The following PDGFRB variants were observed in gnomAD, a reference collection of about 807,000 sequenced individuals.
The protein encoded by PDGFRB is platelet derived growth factor receptor beta.
In PDGFRB, 42 loss-of-function variants were observed where a neutral mutation model predicts 120.2. The ratio of observed to expected loss-of-function variants is 0.35; its 90% CI spans 0.27 to 0.45. PDGFRB has a LOEUF of 0.45. Ranked by LOEUF, PDGFRB falls within the 20% of genes least tolerant of loss-of-function variation. The pLI, the probability that PDGFRB is intolerant of heterozygous loss-of-function variation, is 1.00. For missense variants in PDGFRB, 1,149 were observed against 1,476.3 expected, an observed-to-expected ratio of 0.78 and a Z score of 3.63; for synonymous variants, 586 against 606.8, an observed-to-expected ratio of 0.97 and a Z score of 0.50.
chr5:150,155,297 C>CTTTTTTTTTTTTTTTTTTTTT (rs35505256), intron 1 of PDGFRB, 100 bp downstream of exon 1: 1 of 119,542 alleles, frequency 8.4e-6, no homozygotes. Flanking sequence ...AATATCTTCC[C>CTTTTTTTTTTTTTTTTTTTTT]TTTTTTTTTT....
chr5:150,121,638 G>C lies in PDGFRB; in HGVS notation c.2344+242C>G, dbSNP rs1039839905. ...CTTTCCCTACCACGACAAAAGGCCA[G>C]GTCCTCCCATATCCCTGCTCTCTCC... On this transcript the variant is annotated intron_variant, in intron 16 of 22. Transcript: ENST00000261799. The surrounding 1 kb of genome is among the most constrained non-coding windows in gnomAD (Gnocchi z 4.1). 6.6e-6 allele frequency among the ~76,000 whole-genome samples: 1 copy of C among 152,234 alleles called. No individual in the cohort carries two copies. Among genetic ancestry groups the C allele is most frequent in the Non-Finnish European group, 1.5e-5 (1 of 68,046 alleles).
chr5:150,139,106 G>T (rs1364395156), intron 1 of PDGFRB, among the ~76,000 whole-genome samples: 8 of 152,204 alleles, frequency 5.3e-5, no homozygotes, highest in Non-Finnish European at 1.2e-4. Context: ...GCCTGGGGCT[G>T]GGGGTGGCTT....
chr5:150,146,990 C>T (rs1351448615), intron 1 of PDGFRB, among the ~76,000 whole-genome samples: 5 of 152,172 alleles, frequency 3.3e-5, no homozygotes, highest in East Asian at 1.9e-4. Context: ...TCCACAATTT[C>T]GCTGCAGAGG....
Position 150,126,568 on chromosome 5 carries a change from C to A in PDGFRB, c.1626G>T (p.Val542=), listed in dbSNP as rs754120808. 8.1e-6 allele frequency: 13 copies of A among 1,611,408 alleles called. No individual in the cohort carries two copies. The highest frequency in any genetic ancestry group is 1.1e-5 in the Non-Finnish European group (13 of 1,177,756). ...TGATAAGGGAGATGATGGTGAGCAC[C>A]ACCAGGGCCAGGATGGCTGAGATCA... ...VVVISAILAL[V]VLTIISLIIL... The change falls in exon 11 of 23, where the codon GTG becomes GTT. Residue 542 remains valine, a synonymous_variant. Transcript: ENST00000261799.
At chr5:150,117,472 C>T in intron 22 of PDGFRB, 146 bp downstream of exon 22, 1 of 574,080 alleles carries the variant, frequency 1.7e-6, no homozygotes. Flanking sequence ...GTCTTCTATT[C>T]ATTGGTAGGG....
At chr5:150,130,887 G>A (rs1015833396) in intron 8 of PDGFRB, among the ~76,000 whole-genome samples, 5 of 152,160 alleles carry the variant, frequency 3.3e-5, no homozygotes, top group Non-Finnish European at 5.9e-5. Flanking sequence ...ACACCTCTCT[G>A]AGACTTGCTA....
chr5:150,132,926 C>T lies in PDGFRB; in HGVS notation c.951G>A (p.Arg317=), dbSNP rs2113907236. Reference sequence around the variant, plus strand: ...GTAGTGTGCCCACCTCTCCCAGGAGCCGCACGTAGCCGCTCTCTGCAAGGG... The same window carrying T: ...GTAGTGTGCCCACCTCTCCCAGGAGTCGCACGTAGCCGCTCTCTGCAAGGG... ...NITVVESGYV[R]LLGEVGTLQF... Residue 317 remains arginine, a synonymous_variant, in exon 7 of 23, where the codon CGG becomes CGA. Transcript: ENST00000261799. This position sits in a 1 kb window ranked among gnomAD's most constrained non-coding sequence, Gnocchi z 5.0. 6.4e-7 allele frequency: 1 copy of T among 1,561,216 alleles called. No individual in the cohort carries two copies. Among genetic ancestry groups the T allele is most frequent in the Non-Finnish European group, 8.7e-7 (1 of 1,153,696 alleles).
chr5:150,124,718 A>G lies in PDGFRB; in HGVS notation c.1912+9T>C. The G allele has an allele frequency of 2.2e-6, 3 of 1,346,512 alleles. No homozygotes were observed. Among genetic ancestry groups the G allele is most frequent in the Non-Finnish European group, 2.1e-6 (2 of 942,070 alleles). 83.4% of individuals were successfully genotyped at this position (1,346,512 alleles called of 1,614,324 possible). On this transcript the variant is annotated intron_variant, in intron 13 of 22. Transcript: ENST00000261799. Reference sequence around the variant, plus strand: ...GGCCCAGATGTGGAGGGCTCCAAGGACTACTCACATTTAAGCATCTTGACG... The same window carrying G: ...GGCCCAGATGTGGAGGGCTCCAAGGGCTACTCACATTTAAGCATCTTGACG...
chr5:150,114,759 T>A lies in PDGFRB; in HGVS notation c.*1004A>T. The A allele has an allele frequency of 4.3e-6, 1 of 233,616 alleles. No homozygotes were observed. Among genetic ancestry groups the A allele is most frequent in the Non-Finnish European group, 8.5e-6 (1 of 117,992 alleles). 14.5% of individuals were successfully genotyped at this position (233,616 alleles called of 1,614,324 possible). A position where few individuals can be genotyped will look rare whatever the true frequency, so the allele number is the denominator to read the frequency against. On this transcript the variant is annotated 3_prime_UTR_variant, in exon 23 of 23. Coordinates refer to ENST00000261799, the MANE Select transcript of PDGFRB (RefSeq NM_002609.4). ...ACAAATGTGCAACCACCTGGAATAC[T>A]CTAGAATGTTAGTGCTGGCAAGGCA...
chr5:150,122,240 C>T lies in PDGFRB; in HGVS notation c.2184-200G>A, dbSNP rs17656204. The T allele has an allele frequency of 0.26, 149,767 of 567,240 alleles. 21,842 individuals carry two copies. The highest frequency in any genetic ancestry group is 0.35 in the Middle Eastern group (738 of 2,134). 35.1% of individuals were successfully genotyped at this position (567,240 alleles called of 1,614,324 possible). A position where few individuals can be genotyped will look rare whatever the true frequency, so the allele number is the denominator to read the frequency against. On this transcript the variant is annotated intron_variant, in intron 15 of 22. Coordinates refer to ENST00000261799, the MANE Select transcript of PDGFRB (RefSeq NM_002609.4). ...CTGGGCACTGAGGCTACCAAAATGACAGTTAGAACCCAGAGAGCTCACACC... is the reference window on the plus strand; with the variant it reads ...CTGGGCACTGAGGCTACCAAAATGATAGTTAGAACCCAGAGAGCTCACACC...
intron 1 of PDGFRB, among the ~76,000 whole-genome samples, chr5:150,154,994 G>A (rs906884721): frequency 1.3e-5 from 2 of 152,174 alleles, no homozygotes; most frequent in Non-Finnish European, 2.9e-5. Context: ...AAGGAACAGC[G>A]GCTATGGTCC....
intron 1 of PDGFRB, 163 bp from the exon 2 acceptor site, chr5:150,137,216 C>T: frequency 1.7e-6 from 1 of 591,630 alleles, no homozygotes. Flanking sequence ...TGAAAGGGCA[C>T]TCATGACCAC....
rs1760499027 is a variant in PDGFRB, at chr5:150,132,672, T to C, written c.1127+78A>G. On this transcript the variant is annotated intron_variant, in intron 7 of 22. Transcript: ENST00000261799. This position sits in a 1 kb window ranked among gnomAD's most constrained non-coding sequence, Gnocchi z 5.0. ...TCTCAGAAAGCTGGGCCTAGGTTTG[T>C]GGCTGAAAGCCGAGGGCTGCCTGGC... 7.1e-7 allele frequency: 1 copy of C among 1,403,356 alleles called. No individual in the cohort carries two copies. Among genetic ancestry groups the C allele is most frequent in the Admixed American group, 2.1e-5 (1 of 48,330 alleles). The allele number at this position is 1,403,356 out of a possible 1,614,324, so 86.9% of individuals were successfully genotyped here. A position where few individuals can be genotyped will look rare whatever the true frequency, so the allele number is the denominator to read the frequency against.
intron 8 of PDGFRB, among the ~76,000 whole-genome samples, chr5:150,130,958 C>T (rs953206960): frequency 1.3e-5 from 2 of 152,154 alleles, no homozygotes; most frequent in African/African-American, 2.4e-5. Flanking sequence ...CCACCAAGCT[C>T]ATGAAGCCAG....
intron 12 of PDGFRB, among the ~76,000 whole-genome samples, 176 bp downstream of exon 12, chr5:150,125,269 T>C (rs1458712377): frequency 6.6e-6 from 1 of 152,158 alleles, no homozygotes; most frequent in Non-Finnish European, 1.5e-5. Flanking sequence ...TGCTAGGCAG[T>C]TCCTGGGGGA....
chr5:150,143,665 G>A (rs781615816), intron 1 of PDGFRB, among the ~76,000 whole-genome samples: 2 of 152,200 alleles, frequency 1.3e-5, no homozygotes, highest in Non-Finnish European at 2.9e-5. Context: ...TGAGATGTGG[G>A]TGTGATTGGG....
chr5:150,152,906 C>G (rs1349973032), intron 1 of PDGFRB, among the ~76,000 whole-genome samples: 1 of 152,244 alleles, frequency 6.6e-6, no homozygotes, highest in Non-Finnish European at 1.5e-5. Flanking sequence ...ACACACGGTC[C>G]TGCTGCTCAC....
chr5:150,117,540 G>GCACACA lies in PDGFRB; in HGVS notation c.3137+77_3137+78insTGTGTG, dbSNP rs1554107262. The GCACACA allele has an allele frequency of 1.2e-5, 7 of 593,394 alleles. No homozygotes were observed. The East Asian group carries it at 1.4e-4, about 11-fold the overall frequency. The allele number at this position is 593,394 out of a possible 1,614,324, so 36.8% of individuals were successfully genotyped here. The stretch of plus-strand genomic sequence containing the variant: ...GGCAAACCTGGCAGCGCGCGCGCGC[G>GCACACA]CGCGCACACACACACACACACACAC... On this transcript the variant is annotated intron_variant, in intron 22 of 22. Coordinates refer to ENST00000261799, the MANE Select transcript of PDGFRB (RefSeq NM_002609.4).
At chr5:150,119,596 AGG>A (rs1253150335) in intron 19 of PDGFRB, 30 bp from the exon 20 acceptor site, 1 of 1,364,810 alleles carries the variant, frequency 7.3e-7, no homozygotes, top group South Asian at 1.2e-5. Context: ...AGAGATACAC[AGG>A]CTCAGGGGTG....
Sources: allele counts gnomAD v4.1 joint callset (sites outside exome capture counted in the v4.1 genomes callset), GRCh38; gene constraint gnomAD v4.1.1; non-coding constraint Gnocchi (gnomAD v3.1); transcripts MANE v1.5; gene names NCBI Gene and HGNC (gene_info 2026-07-23, HGNC 2026-07-21).